BTBD2: variants seen among roughly 807,000 people sequenced by gnomAD.
BTBD2 encodes the protein BTB/POZ domain-containing protein 2.
Under a neutral mutation model 44.0 loss-of-function variants are expected in BTBD2, and 15 were observed. The observed-to-expected ratio is 0.34, with a 90% CI of 0.23 to 0.53. The LOEUF (loss-of-function observed/expected upper bound fraction) is 0.53. BTBD2 is among the 20% of genes least tolerant of loss of function. The pLI, the probability that BTBD2 is intolerant of heterozygous loss-of-function variation, is 0.95. For missense variants in BTBD2, 657 were observed against 746.4 expected, an observed-to-expected ratio of 0.88 and a Z score of 1.39; for synonymous variants, 443 against 335.9, an observed-to-expected ratio of 1.32 and a Z score of -3.49.
intron 1 of BTBD2, among the ~76,000 whole-genome samples, chr19:1,999,268 C>G (rs2016293598): frequency 6.6e-6 from 1 of 152,206 alleles, no homozygotes; most frequent in South Asian, 2.1e-4. Flanking sequence ...CCGCCCCGAA[C>G]CTCGGAATGC....
chr19:2,015,542 GGC>G lies in BTBD2; in HGVS notation c.160_161del (p.Ala54ProfsTer93). 3.2e-4 allele frequency: 4 copies of G among 12,438 alleles called. No homozygotes were observed. The highest frequency in any genetic ancestry group is 3.5e-4 in the Non-Finnish European group (4 of 11,504). The allele number at this position is 12,438 out of a possible 1,614,324, so 0.8% of individuals were successfully genotyped here. On this transcript the variant is annotated frameshift_variant, in exon 1 of 9. Transcript: ENST00000255608. LOFTEE classifies it high-confidence loss of function. The stretch of plus-strand genomic sequence containing the variant: ...GCGGGGCGGGCGGCGTCGGCCCAGG[GGC>G]GGCGGCGGCGGCGGCGGCGGCGGCG... ...AAAAAAAAAA[A>X]PGPTPPAPPG...
At chr19:2,003,759 G>A (rs1197837386) in intron 1 of BTBD2, among the ~76,000 whole-genome samples, 1 of 134,030 alleles carries the variant, frequency 7.5e-6, no homozygotes, top group Non-Finnish European at 1.6e-5. Context: ...CAACAAAAAC[G>A]AAACTCCGTC....
intron 1 of BTBD2, among the ~76,000 whole-genome samples, chr19:2,007,632 C>CT (rs2016411298): frequency 6.6e-6 from 1 of 152,082 alleles, no homozygotes; most frequent in Non-Finnish European, 1.5e-5. Flanking sequence ...AGTTTGAGAC[C>CT]AGCCCGGCCA....
chr19:2,009,020 C>T (rs1037977273), intron 1 of BTBD2, among the ~76,000 whole-genome samples: 9 of 143,226 alleles, frequency 6.3e-5, no homozygotes, highest in African/African-American at 2.1e-4. Context: ...ACACACTGTT[C>T]TTTTTTTTTT....
intron 1 of BTBD2, among the ~76,000 whole-genome samples, chr19:2,000,038 G>C (rs376743776): frequency 6.6e-6 from 1 of 152,134 alleles, no homozygotes; most frequent in African/African-American, 2.4e-5. Context: ...GGACTGGAGC[G>C]ATGCGGCCAC....
In BTBD2 at chr19:1,987,153, T is replaced by C; in HGVS notation, c.1269+13A>G. 6.2e-7 allele frequency: 1 copy of C among 1,613,024 alleles called. No individual in the cohort carries two copies. The highest frequency in any genetic ancestry group is 8.5e-7 in the Non-Finnish European group (1 of 1,179,210). ...CCTGAGTGGGGCCTGGGGATGAGGC[T>C]TGGGGCTGGTACCTGGATGTTCACT... is the stretch of plus-strand genomic sequence containing the variant. On this transcript the variant is annotated intron_variant, in intron 7 of 8. Coordinates refer to ENST00000255608, the MANE Select transcript of BTBD2 (RefSeq NM_017797.4).
At chr19:1,990,955 G>T in intron 3 of BTBD2, 133 bp from the exon 4 acceptor site, 1 of 766,984 alleles carries the variant, frequency 1.3e-6, no homozygotes, top group Non-Finnish European at 2.1e-6. Flanking sequence ...GAGCCACCAG[G>T]GTCTCAGCCA....
intron 1 of BTBD2, among the ~76,000 whole-genome samples, chr19:1,999,784 A>G (rs887599434): frequency 1.3e-5 from 2 of 152,016 alleles, no homozygotes; most frequent in Non-Finnish European, 2.9e-5. Flanking sequence ...CAACATGGTG[A>G]AACCCCGTCT....
In BTBD2 at chr19:2,015,278, G is replaced by T; in HGVS notation, c.407+19C>A. On this transcript the variant is annotated intron_variant, in intron 1 of 8. Coordinates refer to ENST00000255608, the MANE Select transcript of BTBD2 (RefSeq NM_017797.4). Reference sequence around the variant, plus strand: ...GCTGGGTGGGTCGGGGCCAGGGCTGGCGGGGTCGGGGCGCCCACCTGTGCG... The same window carrying T: ...GCTGGGTGGGTCGGGGCCAGGGCTGTCGGGGTCGGGGCGCCCACCTGTGCG... 1 of 1,536,738 alleles carries T rather than the reference G, an allele frequency of 6.5e-7. No individual in the cohort carries two copies. The highest frequency in any genetic ancestry group is 1.2e-5 in the South Asian group (1 of 84,758).
intron 1 of BTBD2, chr19:2,003,599 T>C (rs2016356570): frequency 6.6e-6 from 1 of 151,204 alleles, no homozygotes; most frequent in Non-Finnish European, 1.5e-5. Context: ...AGAAATCCCG[T>C]CTCTACTAAA....
At chr19:2,008,767 C>T (rs993964254) in intron 1 of BTBD2, among the ~76,000 whole-genome samples, 1 of 151,590 alleles carries the variant, frequency 6.6e-6, no homozygotes, top group Non-Finnish European at 1.5e-5. Flanking sequence ...AATGAGGTCT[C>T]GCTATATTGG....
chr19:1,998,171 T>C (rs999915939), intron 1 of BTBD2, among the ~76,000 whole-genome samples: 5 of 152,234 alleles, frequency 3.3e-5, no homozygotes, highest in African/African-American at 1.2e-4. Context: ...TTCACACTCG[T>C]CTACTCTCTA....
Position 1,987,105 on chromosome 19 carries a change from T to C in BTBD2, c.1269+61A>G, listed in dbSNP as rs1599345346. On this transcript the variant is annotated intron_variant, in intron 7 of 8. Coordinates refer to ENST00000255608, the MANE Select transcript of BTBD2 (RefSeq NM_017797.4). ...GGCCGGGGGTTCAGCCAGGGTTCCA[T>C]GGAGGTGGAGAGAGGACATGGGCCT... 12 of 1,594,206 alleles carry C rather than the reference T, an allele frequency of 7.5e-6. No homozygotes were observed. The Middle Eastern group carries it at 1.0e-3, about 133-fold the overall frequency.
At chr19:1,987,976 CTG>C in intron 5 of BTBD2, 2 of 425,928 alleles carry the variant, frequency 4.7e-6, no homozygotes, top group Non-Finnish European at 8.5e-6. Context: ...GTCTCAGGGT[CTG>C]GCCCCACTGT....
intron 5 of BTBD2, 36 bp downstream of exon 5, chr19:1,989,968 C>T (rs550626907): frequency 7.5e-6 from 12 of 1,609,494 alleles, no homozygotes; most frequent in Middle Eastern, 1.7e-4. Context: ...GTGCCACTCC[C>T]CTCCCAAACC....
intron 1 of BTBD2, among the ~76,000 whole-genome samples, chr19:2,011,321 T>C (rs1224884382): frequency 3.3e-5 from 5 of 152,062 alleles, no homozygotes; most frequent in African/African-American, 1.2e-4. Flanking sequence ...AGCCCGCTGC[T>C]GTCTCCTGCC....
Position 1,993,228 on chromosome 19 carries a change from AG to A in BTBD2, c.528-53del, listed in dbSNP as rs761742345. The A allele has an allele frequency of 2.6e-6, 4 of 1,556,788 alleles. 1 individual carries two copies. The highest frequency in any genetic ancestry group is 2.6e-6 in the Non-Finnish European group (3 of 1,156,652). On this transcript the variant is annotated intron_variant, in intron 2 of 8. Transcript: ENST00000255608. Reference sequence around the variant, plus strand: ...AGGTGGGACCGCCATGCCCGCCCCCAGGGGAGAGCGTCAGGGGACCACTCAG... The same window carrying A: ...AGGTGGGACCGCCATGCCCGCCCCCAGGGAGAGCGTCAGGGGACCACTCAG...
chr19:1,987,135 G>T, intron 7 of BTBD2, 31 bp downstream of exon 7: 1 of 1,607,896 alleles, frequency 6.2e-7, no homozygotes, highest in East Asian at 2.2e-5. Flanking sequence ...GGGCCTGAGT[G>T]GGGCCTGGGG....
At chr19:1,987,757 G>C (rs2016112997) in intron 5 of BTBD2, 65 bp from the exon 6 acceptor site, 1 of 1,446,090 alleles carries the variant, frequency 6.9e-7, no homozygotes, top group South Asian at 1.3e-5. Context: ...TGCCTGGGAG[G>C]ACACGCTCCT....
Sources: gnomAD v4.1 joint callset for allele counts (sites outside exome capture counted in the v4.1 genomes callset) on GRCh38, gnomAD v4.1.1 for gene constraint, MANE v1.5 for transcripts, NCBI Gene and HGNC (gene_info 2026-07-23, HGNC 2026-07-21) for gene names.